PXDNL: variants seen among roughly 807,000 people sequenced by gnomAD.
PXDNL encodes the protein peroxidasin like, also known as probable oxidoreductase PXDNL.
PXDNL carries 145 observed loss-of-function variants against 150.8 expected under a neutral mutation model. That is an observed-to-expected ratio of 0.96 (90% CI 0.84 to 1.10). The LOEUF (loss-of-function observed/expected upper bound fraction) is 1.10. Among genes scored for constraint, PXDNL ranks in the 50% least tolerant of loss-of-function variants. PXDNL has a pLI of 0.00. For missense variants in PXDNL, 2,087 were observed against 1,873.9 expected (o/e 1.11, Z -2.10); for synonymous variants, 757 against 725.7 (o/e 1.04, Z -0.69).
At chr8:51,717,487 C>T (rs1274039051) in intron 1 of PXDNL, among the ~76,000 whole-genome samples, 1 of 152,202 alleles carries the variant, frequency 6.6e-6, no homozygotes, top group Non-Finnish European at 1.5e-5. Flanking sequence ...CTGTTGCTGC[C>T]ATCCCATCAG....
chr8:51,389,224 C>T (rs180864039), intron 17 of PXDNL, among the ~76,000 whole-genome samples: 104 of 152,204 alleles, frequency 6.8e-4, no homozygotes, highest in Admixed American at 1.1e-3. Flanking sequence ...TGTGCTTGTG[C>T]GAGGATTTCA....
intron 8 of PXDNL, among the ~76,000 whole-genome samples, chr8:51,470,725 G>T (rs1810308565): frequency 6.6e-6 from 1 of 152,166 alleles, no homozygotes. Context: ...ACAAAAACAA[G>T]AAATGGGAAA....
intron 1 of PXDNL, among the ~76,000 whole-genome samples, chr8:51,678,735 G>A (rs549461108): frequency 3.9e-4 from 60 of 152,038 alleles, no homozygotes; most frequent in Non-Finnish European, 8.5e-4. Context: ...CGGGGTGGGG[G>A]AGGGATAGCA....
intron 19 of PXDNL, among the ~76,000 whole-genome samples, chr8:51,368,157 A>G (rs1025328867): frequency 2.6e-5 from 4 of 152,090 alleles, no homozygotes; most frequent in Non-Finnish European, 5.9e-5. Flanking sequence ...ACAAAACAAA[A>G]TGGTGGATAA....
At chr8:51,805,826 C>G (rs2129266286) in intron 1 of PXDNL, among the ~76,000 whole-genome samples, 1 of 152,194 alleles carries the variant, frequency 6.6e-6, no homozygotes, top group Non-Finnish European at 1.5e-5. Context: ...ATTTCTTAAC[C>G]AGTAACTAAG....
At chr8:51,625,993 T>A (rs1237606005) in intron 2 of PXDNL, among the ~76,000 whole-genome samples, 5 of 152,224 alleles carry the variant, frequency 3.3e-5, no homozygotes, top group Non-Finnish European at 5.9e-5. Context: ...AGAAATAAGT[T>A]CTTTTACATA....
chr8:51,460,692 C>T (rs1331324381), intron 8 of PXDNL, among the ~76,000 whole-genome samples: 1 of 151,836 alleles, frequency 6.6e-6, no homozygotes, highest in African/African-American at 2.4e-5. Flanking sequence ...CACACCCCCA[C>T]AATGGACCTC....
Position 51,409,225 on chromosome 8 carries a change from G to A in PXDNL, c.2399C>T (p.Thr800Met). The A allele has an allele frequency of 6.4e-7, 1 of 1,555,200 alleles. No individual in the cohort carries two copies. Among genetic ancestry groups the A allele is most frequent in the Non-Finnish European group, 8.7e-7 (1 of 1,155,318 alleles). Reference protein sequence around the residue: ...AAAVTPDHSYTRMLMHWGWFL... With the variant: ...AAAVTPDHSYMRMLMHWGWFL... ...CCAGCCCCAGTGCATGAGCATGCGCGTGTAGCTGTGGTCGGGGGTGACGGC... is the reference window on the plus strand; with the variant it reads ...CCAGCCCCAGTGCATGAGCATGCGCATGTAGCTGTGGTCGGGGGTGACGGC... Residue 800 changes from threonine to methionine, a missense_variant, in exon 17 of 23, where the codon ACG (threonine) becomes ATG (methionine). Coordinates refer to ENST00000356297, the MANE Select transcript of PXDNL (RefSeq NM_144651.5).
intron 4 of PXDNL, among the ~76,000 whole-genome samples, chr8:51,535,054 G>T (rs1343859500): frequency 0.014 from 1,462 of 103,480 alleles, 62 homozygotes; most frequent in African/African-American, 0.073. Flanking sequence ...GAAGTGAGGA[G>T]CCCCTCTGCC....
At chr8:51,383,023 T>C (rs1419009432) in intron 17 of PXDNL, among the ~76,000 whole-genome samples, 1 of 152,204 alleles carries the variant, frequency 6.6e-6, no homozygotes, top group Non-Finnish European at 1.5e-5. Context: ...CCAAGAAATG[T>C]TGGGAGTCTT....
intron 1 of PXDNL, among the ~76,000 whole-genome samples, chr8:51,795,808 G>A (rs2037554270): frequency 1.3e-5 from 2 of 152,146 alleles, no homozygotes. Flanking sequence ...TGCAACCGTG[G>A]CCCCGACTTG....
intron 1 of PXDNL, among the ~76,000 whole-genome samples, chr8:51,759,697 G>T (rs1202635367): frequency 6.6e-6 from 1 of 152,242 alleles, no homozygotes; most frequent in Non-Finnish European, 1.5e-5. Flanking sequence ...TAAGCAAGAA[G>T]AACACAAATT....
At chr8:51,543,706 A>G (rs1457295921) in intron 4 of PXDNL, among the ~76,000 whole-genome samples, 5 of 133,308 alleles carry the variant, frequency 3.8e-5, no homozygotes, top group Non-Finnish European at 7.8e-5. Flanking sequence ...GCGAGACTCC[A>G]TATCAAAAAA....
intron 1 of PXDNL, among the ~76,000 whole-genome samples, chr8:51,804,254 C>T (rs1406257268): frequency 2.0e-5 from 3 of 152,196 alleles, no homozygotes. Context: ...TTTTGAGTTT[C>T]TGATTAGCCT....
At chr8:51,334,825 G>A (rs1044851351) in intron 21 of PXDNL, among the ~76,000 whole-genome samples, 4 of 152,044 alleles carry the variant, frequency 2.6e-5, no homozygotes, top group Non-Finnish European at 5.9e-5. Context: ...AGCTTATTAG[G>A]TCTTCTCATC....
At chr8:51,573,862 T>G (rs1467009388) in intron 3 of PXDNL, among the ~76,000 whole-genome samples, 2 of 152,048 alleles carry the variant, frequency 1.3e-5, no homozygotes, top group Non-Finnish European at 2.9e-5. Flanking sequence ...GTCATATAGA[T>G]GGGCTCTAAT....
At chr8:51,425,553 G>A (rs1316670369) in intron 13 of PXDNL, among the ~76,000 whole-genome samples, 1 of 151,980 alleles carries the variant, frequency 6.6e-6, no homozygotes, top group Non-Finnish European at 1.5e-5. Context: ...TTCAGACTAG[G>A]CTGGGCGTGG....
At chr8:51,454,615 A>G (rs1466692408) in intron 9 of PXDNL, among the ~76,000 whole-genome samples, 4 of 152,234 alleles carry the variant, frequency 2.6e-5, no homozygotes, top group Non-Finnish European at 5.9e-5. Flanking sequence ...TAAGGTGTTA[A>G]AAATGCCTAA....
chr8:51,585,717 C>T (rs1224303151), intron 3 of PXDNL, among the ~76,000 whole-genome samples: 1 of 152,084 alleles, frequency 6.6e-6, no homozygotes, highest in Non-Finnish European at 1.5e-5. Context: ...GTCAAACTTG[C>T]TAGCCTTATT....
Sources: gnomAD v4.1 joint callset for allele counts (sites outside exome capture counted in the v4.1 genomes callset) on GRCh38, gnomAD v4.1.1 for gene constraint, MANE v1.5 for transcripts, NCBI Gene and HGNC (gene_info 2026-07-23, HGNC 2026-07-21) for gene names.